Variants in FAM13A observed in about 807,000 individuals in gnomAD.
FAM13A encodes the protein protein FAM13A.
A neutral mutation model predicts 129.6 loss-of-function variants in FAM13A; 76 were observed. That is an observed-to-expected ratio of 0.59 (90% CI 0.49 to 0.71). The LOEUF (loss-of-function observed/expected upper bound fraction) is 0.71. Among genes scored for constraint, FAM13A ranks in the 30% least tolerant of loss-of-function variants. The pLI is 0.00. For missense variants in FAM13A, 1,108 were observed against 1,249.3 expected (o/e 0.89, Z 1.70); for synonymous variants, 443 against 449.9 (o/e 0.98, Z 0.20).
At chr4:88,945,368 G>T (rs953907641) in intron 4 of FAM13A, among the ~76,000 whole-genome samples, 1 of 152,196 alleles carries the variant, frequency 6.6e-6, no homozygotes, top group South Asian at 2.1e-4. Context: ...ACATTCAACT[G>T]CAAATCAGGA....
chr4:88,805,161 A>T (rs896110787), intron 7 of FAM13A, 109 bp from the exon 8 acceptor site: 32 of 670,304 alleles, frequency 4.8e-5, no homozygotes, highest in Non-Finnish European at 7.3e-5. Context: ...CATTAAAGCC[A>T]ATCACATGAT....
chr4:88,979,387 C>CCTG (rs751155499), intron 4 of FAM13A, among the ~76,000 whole-genome samples: 7 of 152,104 alleles, frequency 4.6e-5, no homozygotes, highest in Non-Finnish European at 8.8e-5. Flanking sequence ...AAGAATAGTT[C>CCTG]CTGCAATGCT....
At chr4:88,853,103 C>T (rs1011046207) in intron 6 of FAM13A, among the ~76,000 whole-genome samples, 4 of 152,110 alleles carry the variant, frequency 2.6e-5, no homozygotes, top group Non-Finnish European at 5.9e-5. Context: ...TTTTTCATGA[C>T]ATTTCTTTGC....
chr4:88,726,647 AAC>A lies in FAM13A; in HGVS notation c.*1884_*1885del, dbSNP rs4210. The A allele has an allele frequency of 0.34, 51,865 of 152,396 alleles. 9,523 individuals carry two copies. Among genetic ancestry groups the A allele is most frequent in the East Asian group, 0.53 (2,729 of 5,154 alleles). The allele number at this position is 152,396 out of a possible 1,614,324, so 9.4% of individuals were successfully genotyped here. A position where few individuals can be genotyped will look rare whatever the true frequency, so the allele number is the denominator to read the frequency against. ...CAGACTAGACATGTATTTTTAAAAA[AAC>A]ACAATTTTTGGTCATGTGAATGATT... On this transcript the variant is annotated 3_prime_UTR_variant, in exon 24 of 24. Coordinates refer to ENST00000264344, the MANE Select transcript of FAM13A (RefSeq NM_014883.4).
intron 4 of FAM13A, among the ~76,000 whole-genome samples, chr4:88,964,875 G>A (rs1358039411): frequency 6.6e-6 from 1 of 151,998 alleles, no homozygotes; most frequent in African/African-American, 2.4e-5. Context: ...TGATTCGTCC[G>A]CCTCGGCCTC....
chr4:88,845,185 A>G (rs1219005906), intron 7 of FAM13A, among the ~76,000 whole-genome samples: 7 of 128,842 alleles, frequency 5.4e-5, no homozygotes, highest in Non-Finnish European at 8.1e-5. Context: ...GAGACATTGA[A>G]AAAAAAACAC....
chr4:88,873,211 A>T (rs1266722387), intron 6 of FAM13A, among the ~76,000 whole-genome samples: 2 of 152,230 alleles, frequency 1.3e-5, no homozygotes, highest in Admixed American at 1.3e-4. Flanking sequence ...TTGACACCCT[A>T]ACATCACAAT....
At chr4:88,978,657 G>A (rs544158203) in intron 4 of FAM13A, among the ~76,000 whole-genome samples, 183 of 152,264 alleles carry the variant, frequency 1.2e-3, no homozygotes, top group Non-Finnish European at 1.5e-3. Flanking sequence ...AGCTGGGCGT[G>A]GTGGTGGGCG....
At position 88,794,580 on chromosome 4, in the gene FAM13A, T is replaced by C. The variant is rs1725785240; in HGVS notation, c.1050-3953A>G. 2.6e-5 allele frequency among the ~76,000 whole-genome samples: 4 copies of C among 151,868 alleles called. No individual in the cohort carries two copies. In the South Asian group the frequency reaches 8.3e-4, roughly 31 times the overall value. On this transcript the variant is annotated intron_variant, in intron 8 of 23. Transcript: ENST00000264344. ...CAAAATGGAGACATCTTGAAAAGCA[T>C]GTGTTCTCTTTTCTGTGCGTTGTCT...
At chr4:88,797,639 A>G (rs965067375) in intron 8 of FAM13A, among the ~76,000 whole-genome samples, 1 of 152,058 alleles carries the variant, frequency 6.6e-6, no homozygotes, top group Non-Finnish European at 1.5e-5. Context: ...TTTATCATGT[A>G]TTTGACTGAT....
intron 3 of FAM13A, among the ~76,000 whole-genome samples, chr4:89,010,920 T>G (rs936841661): frequency 6.6e-6 from 1 of 151,890 alleles, no homozygotes; most frequent in African/African-American, 2.4e-5. Context: ...GCGATCTCGG[T>G]TCACTGCAAC....
intron 7 of FAM13A, among the ~76,000 whole-genome samples, chr4:88,817,687 T>C (rs560190625): frequency 6.6e-6 from 1 of 152,338 alleles, no homozygotes; most frequent in Non-Finnish European, 1.5e-5. Flanking sequence ...AATGTAAGTT[T>C]CATAGGAAAA....
rs535265260 is a variant in FAM13A, at chr4:88,944,456, T to C, written c.606-6215A>G. 5.3e-5 allele frequency among the ~76,000 whole-genome samples: 8 copies of C among 152,350 alleles called. No individual in the cohort carries two copies. The South Asian group carries it at 8.3e-4, about 16-fold the overall frequency. ...GGAATATCCTATTTGAAAATGTGGA[T>C]AGACTGCCTAGCTTCAAGGGTTCCC... On this transcript the variant is annotated intron_variant, in intron 4 of 23. Coordinates refer to ENST00000264344, the MANE Select transcript of FAM13A (RefSeq NM_014883.4).
At chr4:88,974,130 G>A (rs377725332) in intron 4 of FAM13A, among the ~76,000 whole-genome samples, 10 of 152,118 alleles carry the variant, frequency 6.6e-5, no homozygotes, top group Non-Finnish European at 1.5e-4. Context: ...AGAGTTTCAG[G>A]AGGCAAAACT....
At chr4:88,867,813 G>A (rs910096548) in intron 6 of FAM13A, among the ~76,000 whole-genome samples, 11 of 152,124 alleles carry the variant, frequency 7.2e-5, no homozygotes, top group African/African-American at 2.7e-4. Context: ...TTAGGGAAAT[G>A]GTAGATACCA....
rs117061684 is a variant in FAM13A at position 88,962,570 on chromosome 4, A to G, written c.606-24329T>C. On this transcript the variant is annotated intron_variant, in intron 4 of 23. Transcript: ENST00000264344. ...CAGAGTGGTGGGAGCAATGGGTTGCATGGTTTATCAACCAGGAGTCACTGC... is the reference window on the plus strand; with the variant it reads ...CAGAGTGGTGGGAGCAATGGGTTGCGTGGTTTATCAACCAGGAGTCACTGC... Among the ~76,000 whole-genome samples, 9 of 152,320 alleles carry G rather than the reference A, an allele frequency of 5.9e-5. No individual in the cohort carries two copies. The East Asian group carries it at 1.5e-3, about 26-fold the overall frequency.
chr4:88,799,839 A>C (rs575090983), intron 8 of FAM13A, among the ~76,000 whole-genome samples: 4 of 152,378 alleles, frequency 2.6e-5, no homozygotes, highest in Admixed American at 2.6e-4. Context: ...GGACTTGGAC[A>C]GATATTTGTA....
At chr4:88,912,738 G>C (rs113560189) in intron 5 of FAM13A, among the ~76,000 whole-genome samples, 1 of 152,098 alleles carries the variant, frequency 6.6e-6, no homozygotes, top group African/African-American at 2.4e-5. Context: ...ATATCTATTG[G>C]TTATTGGTTT....
chr4:88,946,351 T>C (rs1755853552), intron 4 of FAM13A, among the ~76,000 whole-genome samples: 1 of 150,936 alleles, frequency 6.6e-6, no homozygotes, highest in African/African-American at 2.4e-5. Context: ...TAGCACCCTT[T>C]CTGCAGAAAG....
Sources: allele counts gnomAD v4.1 joint callset (sites outside exome capture counted in the v4.1 genomes callset), GRCh38; gene constraint gnomAD v4.1.1; transcripts MANE v1.5; gene names NCBI Gene and HGNC (gene_info 2026-07-23, HGNC 2026-07-21).